Variants in PTPRN2 observed in about 807,000 individuals in gnomAD.
PTPRN2 encodes receptor-type tyrosine-protein phosphatase N2.
PTPRN2 carries 74 observed loss-of-function variants against 118.8 expected under a neutral mutation model. The observed-to-expected ratio is 0.62, with a 90% CI of 0.52 to 0.76. The LOEUF is 0.76. Among genes scored for constraint, PTPRN2 ranks in the 30% least tolerant of loss-of-function variants. PTPRN2 has a pLI of 0.00. For missense variants in PTPRN2, 1,481 were observed against 1,394.4 expected, an observed-to-expected ratio of 1.06 and a Z score of -0.99; for synonymous variants, 641 against 608.0, an observed-to-expected ratio of 1.05 and a Z score of -0.80.
intron 6 of PTPRN2, among the ~76,000 whole-genome samples, chr7:158,151,514 T>TCCCTGCCCACAC (rs1563522278): frequency 6.2e-5 from 9 of 146,200 alleles, no homozygotes; most frequent in Middle Eastern, 3.5e-3. Context: ...TTTCTGCTCC[T>TCCCTGCCCACAC]CACCGCACGT....
At chr7:158,135,983 G>T (rs1341047970) in intron 8 of PTPRN2, among the ~76,000 whole-genome samples, 1 of 152,204 alleles carries the variant, frequency 6.6e-6, no homozygotes, top group Non-Finnish European at 1.5e-5. Context: ...GAAACTAAGA[G>T]GCTAAAAGAC....
At chr7:157,708,911 C>T (rs1281045816) in intron 12 of PTPRN2, among the ~76,000 whole-genome samples, 1 of 152,218 alleles carries the variant, frequency 6.6e-6, no homozygotes, top group Non-Finnish European at 1.5e-5. Flanking sequence ...GCTGAACGTG[C>T]TCTCCCAGCT....
chr7:157,896,342 G>C (rs1563217862), intron 12 of PTPRN2, among the ~76,000 whole-genome samples: 1 of 152,198 alleles, frequency 6.6e-6, no homozygotes, highest in Non-Finnish European at 1.5e-5. Context: ...GAGCTGGGAG[G>C]CTGAAGCCAC....
At chr7:158,298,532 T>A (rs1487581937) in intron 3 of PTPRN2, among the ~76,000 whole-genome samples, 1 of 152,228 alleles carries the variant, frequency 6.6e-6, no homozygotes, top group Non-Finnish European at 1.5e-5. Context: ...GTTATGTAAT[T>A]TTTAATAATT....
rs1800755045 is a variant in PTPRN2, at chr7:157,587,679, C to T, written c.2496+7559G>A. Among the ~76,000 whole-genome samples the T allele has an allele frequency of 6.6e-6, 1 of 152,282 alleles. No individual in the cohort carries two copies. Among genetic ancestry groups the T allele is most frequent in the Non-Finnish European group, 1.5e-5 (1 of 68,050 alleles). ...CCGATGCCAGTGGGACACCTGCTGA[C>T]TTCAGCGAGCGCTTTGTGCTCTCTC... On this transcript the variant is annotated intron_variant, in intron 17 of 22. Coordinates refer to ENST00000389418, the MANE Select transcript of PTPRN2 (RefSeq NM_002847.5). This position sits in a 1 kb window ranked among gnomAD's most constrained non-coding sequence, Gnocchi z 5.3.
intron 2 of PTPRN2, among the ~76,000 whole-genome samples, chr7:158,387,290 T>C (rs1423744043): frequency 6.6e-6 from 1 of 152,148 alleles, no homozygotes; most frequent in Non-Finnish European, 1.5e-5. Flanking sequence ...CCAATTCACA[T>C]AGACACTGAA....
intron 6 of PTPRN2, among the ~76,000 whole-genome samples, chr7:158,152,243 C>T (rs1821269288): frequency 6.7e-6 from 1 of 149,516 alleles, no homozygotes; most frequent in South Asian, 2.1e-4. Flanking sequence ...AGAAATAACC[C>T]AGAGTATGAA....
At chr7:158,072,112 A>T (rs370707656) in intron 11 of PTPRN2, among the ~76,000 whole-genome samples, 3 of 126,992 alleles carry the variant, frequency 2.4e-5, no homozygotes, top group African/African-American at 6.0e-5. Flanking sequence ...GGAGGTGCTC[A>T]TGGTGGTGGA....
At chr7:158,404,412 C>A in intron 2 of PTPRN2, among the ~76,000 whole-genome samples, 1 of 152,174 alleles carries the variant, frequency 6.6e-6, no homozygotes, top group East Asian at 1.9e-4. Flanking sequence ...GCTGCAGGGG[C>A]TGTGGACCCC....
At chr7:157,753,347 A>T (rs1585383642) in intron 12 of PTPRN2, among the ~76,000 whole-genome samples, 1 of 152,146 alleles carries the variant, frequency 6.6e-6, no homozygotes, top group African/African-American at 2.4e-5. Context: ...CTTCATCGGG[A>T]AAGTTGAGAA....
chr7:157,624,770 G>C (rs1237248325), intron 14 of PTPRN2, among the ~76,000 whole-genome samples: 7 of 152,134 alleles, frequency 4.6e-5, no homozygotes, highest in Admixed American at 1.3e-4. Flanking sequence ...ACGTCTTCTG[G>C]AATTATTAGG....
intron 2 of PTPRN2, among the ~76,000 whole-genome samples, chr7:158,345,391 G>A (rs999177473): frequency 6.6e-6 from 1 of 152,218 alleles, no homozygotes; most frequent in Non-Finnish European, 1.5e-5. Flanking sequence ...CTTATAGGAG[G>A]CCACAGAGGG....
intron 2 of PTPRN2, among the ~76,000 whole-genome samples, chr7:158,416,442 C>T (rs1414630298): frequency 6.6e-6 from 1 of 152,194 alleles, no homozygotes; most frequent in Non-Finnish European, 1.5e-5. Context: ...AACAAACCAC[C>T]ACATGTTAAC....
At chr7:158,321,763 G>A (rs1227472281) in intron 2 of PTPRN2, among the ~76,000 whole-genome samples, 1 of 147,612 alleles carries the variant, frequency 6.8e-6, no homozygotes, top group Non-Finnish European at 1.5e-5. Context: ...CTTGGCTACT[G>A]TCACCATCAA....
rs76415146 is a variant in PTPRN2, at chr7:158,143,055, C to T, written c.911-4540G>A. Among the ~76,000 whole-genome samples, 840 of 152,328 alleles carry T rather than the reference C, an allele frequency of 5.5e-3. 28 individuals are homozygous for T. In the East Asian group the frequency reaches 0.069, roughly 13 times the overall value. ...GAGCCCAGAGCAACCTTTTCATTCT[C>T]ATTCACTGCAGTCTCCTCCCACCAC... On this transcript the variant is annotated intron_variant, in intron 6 of 22. Coordinates refer to ENST00000389418, the MANE Select transcript of PTPRN2 (RefSeq NM_002847.5).
intron 11 of PTPRN2, among the ~76,000 whole-genome samples, chr7:157,978,377 C>T (rs2128825749): frequency 6.6e-6 from 1 of 152,126 alleles, no homozygotes; most frequent in Non-Finnish European, 1.5e-5. Context: ...CTAGACAAGA[C>T]ACAGCAAGAT....
At chr7:158,398,724 A>G (rs1299420050) in intron 2 of PTPRN2, among the ~76,000 whole-genome samples, 1 of 152,130 alleles carries the variant, frequency 6.6e-6, no homozygotes, top group Admixed American at 6.5e-5. Context: ...TCATCTCCAT[A>G]TCTCCACATG....
At chr7:158,337,594 C>G (rs1300301853) in intron 2 of PTPRN2, among the ~76,000 whole-genome samples, 2 of 101,692 alleles carry the variant, frequency 2.0e-5, no homozygotes, top group East Asian at 3.0e-4. Context: ...AGACGTCACT[C>G]ACACCCACAC....
rs772488359 is a variant in PTPRN2 at position 157,785,581 on chromosome 7, T to C, written c.1789-102644A>G. Among the ~76,000 whole-genome samples the C allele has an allele frequency of 6.6e-6, 1 of 151,802 alleles. No individual in the cohort carries two copies. The highest frequency in any genetic ancestry group is 1.5e-5 in the Non-Finnish European group (1 of 67,916). On this transcript the variant is annotated intron_variant, in intron 12 of 22. Coordinates refer to ENST00000389418, the MANE Select transcript of PTPRN2 (RefSeq NM_002847.5). The surrounding 1 kb of genome is among the most constrained non-coding windows in gnomAD (Gnocchi z 7.3). ...CTGCTGAAATCTGAACAGTCTACAC[T>C]GGACAGACATGGAGGGAAGCTTCTC... is the stretch of plus-strand genomic sequence containing the variant.
Sources: gnomAD v4.1 joint callset for allele counts (sites outside exome capture counted in the v4.1 genomes callset) on GRCh38, gnomAD v4.1.1 for gene constraint, Gnocchi (gnomAD v3.1) non-coding constraint, MANE v1.5 for transcripts, NCBI Gene and HGNC (gene_info 2026-07-23, HGNC 2026-07-21) for gene names.